Variants in SPOCK3 observed in about 807,000 individuals in gnomAD.
SPOCK3 encodes SPARC (osteonectin), cwcv and kazal like domains proteoglycan 3.
SPOCK3 carries 30 observed loss-of-function variants against 56.6 expected under a neutral mutation model. The observed-to-expected ratio is 0.53, with a 90% CI of 0.40 to 0.72. SPOCK3 has a LOEUF of 0.72. Ranked by LOEUF, SPOCK3 falls within the 30% of genes least tolerant of loss-of-function variation. The pLI, the probability that SPOCK3 is intolerant of heterozygous loss-of-function variation, is 0.00. For synonymous variants in SPOCK3, 196 were observed against 183.3 expected, an observed-to-expected ratio of 1.07 and a Z score of -0.56; for missense variants, 527 against 530.0, an observed-to-expected ratio of 0.99 and a Z score of 0.06.
intron 4 of SPOCK3, among the ~76,000 whole-genome samples, chr4:166,926,837 A>T (rs2149988156): frequency 6.6e-6 from 1 of 152,308 alleles, no homozygotes; most frequent in South Asian, 2.1e-4. Flanking sequence ...AAATACACTT[A>T]AAGGGACAAT....
chr4:166,844,092 A>C (rs573871674), intron 6 of SPOCK3, among the ~76,000 whole-genome samples: 1 of 152,346 alleles, frequency 6.6e-6, no homozygotes, highest in Admixed American at 6.5e-5. Flanking sequence ...GCCCAGACTG[A>C]AAGTGGTTCT....
At chr4:167,012,702 T>C (rs1280356303) in intron 3 of SPOCK3, among the ~76,000 whole-genome samples, 1 of 151,978 alleles carries the variant, frequency 6.6e-6, no homozygotes, top group Non-Finnish European at 1.5e-5. Context: ...AATGTTTCTT[T>C]AAGCTTATTT....
intron 2 of SPOCK3, among the ~76,000 whole-genome samples, chr4:167,066,031 C>T (rs1756094628): frequency 1.3e-5 from 2 of 151,890 alleles, no homozygotes; most frequent in South Asian, 4.1e-4. Flanking sequence ...AAACCACTGC[C>T]TACTTCTTGT....
intron 2 of SPOCK3, among the ~76,000 whole-genome samples, chr4:167,172,124 C>A (rs556348981): frequency 3.8e-4 from 58 of 152,296 alleles, no homozygotes; most frequent in Non-Finnish European, 7.8e-4. Context: ...AATCTCTCAG[C>A]AGTGGGCACT....
chr4:166,931,939 G>A lies in SPOCK3; in HGVS notation c.351-19196C>T, dbSNP rs145765194. On this transcript the variant is annotated intron_variant, in intron 4 of 10. Transcript: ENST00000357545. ...TTAGGTCTTTTATTCTCTTCCTTTCGTGACACTTCTCCTGTGTCCTACTTT... is the reference window on the plus strand; with the variant it reads ...TTAGGTCTTTTATTCTCTTCCTTTCATGACACTTCTCCTGTGTCCTACTTT... Among the ~76,000 whole-genome samples, 147 of 152,106 alleles carry A rather than the reference G, an allele frequency of 9.7e-4. 1 individual carries two copies. Among genetic ancestry groups the A allele is most frequent in the African/African-American group, 3.1e-3 (128 of 41,464 alleles).
At chr4:166,805,267 G>A (rs1292291816) in intron 6 of SPOCK3, among the ~76,000 whole-genome samples, 1 of 151,952 alleles carries the variant, frequency 6.6e-6, no homozygotes, top group Non-Finnish European at 1.5e-5. Context: ...AAAATACAAT[G>A]TTACTCTTTT....
In SPOCK3 at chr4:166,788,008, C is replaced by T. The variant is rs562367852; in HGVS notation, c.709+4162G>A. 2.6e-5 allele frequency among the ~76,000 whole-genome samples: 4 copies of T among 152,116 alleles called. No individual in the cohort carries two copies. The East Asian group carries it at 5.8e-4, about 22-fold the overall frequency. On this transcript the variant is annotated intron_variant, in intron 7 of 10. Transcript: ENST00000357545. ...ACTGGCCTGGCCAACATGGTGAAAC[C>T]CCGTCTTCACTAAAAATACAAAAGG... is the stretch of plus-strand genomic sequence containing the variant.
chr4:166,947,184 C>T (rs933141082), intron 4 of SPOCK3, among the ~76,000 whole-genome samples: 4 of 152,070 alleles, frequency 2.6e-5, no homozygotes, highest in Non-Finnish European at 4.4e-5. Flanking sequence ...TATTACTTTG[C>T]ATTATCTCTT....
chr4:166,816,110 T>C (rs1220373604), intron 6 of SPOCK3, among the ~76,000 whole-genome samples: 2 of 152,088 alleles, frequency 1.3e-5, no homozygotes. Flanking sequence ...AAATAATTTC[T>C]GGTTTAATTG....
At chr4:166,742,751 G>A (rs1479399553) in intron 8 of SPOCK3, among the ~76,000 whole-genome samples, 1 of 152,028 alleles carries the variant, frequency 6.6e-6, no homozygotes, top group African/African-American at 2.4e-5. Flanking sequence ...AAACCGATCT[G>A]GAAATAGTCT....
chr4:167,204,294 C>T (rs1465882824), intron 2 of SPOCK3, among the ~76,000 whole-genome samples: 2 of 152,028 alleles, frequency 1.3e-5, no homozygotes, highest in East Asian at 1.9e-4. Context: ...CTTGTATCCT[C>T]CTGTATTAGT....
chr4:166,929,499 A>G (rs1264541751), intron 4 of SPOCK3, among the ~76,000 whole-genome samples: 1 of 152,116 alleles, frequency 6.6e-6, no homozygotes, highest in Non-Finnish European at 1.5e-5. Context: ...TTCTCCCTAG[A>G]AGATTTCAGG....
chr4:166,745,679 AAGACAC>A (rs1464775108), intron 8 of SPOCK3, among the ~76,000 whole-genome samples: 16 of 152,226 alleles, frequency 1.1e-4, no homozygotes, highest in Non-Finnish European at 2.2e-4. Flanking sequence ...CCCCAGTTAA[AAGACAC>A]AGACTGGCAA....
chr4:166,776,797 A>G (rs886808543), intron 7 of SPOCK3, among the ~76,000 whole-genome samples: 23 of 152,190 alleles, frequency 1.5e-4, no homozygotes, highest in African/African-American at 4.8e-4. Context: ...AACCACCTAA[A>G]CATCTGCTGG....
At chr4:166,958,987 AT>A (rs1338913835) in intron 4 of SPOCK3, among the ~76,000 whole-genome samples, 2 of 152,192 alleles carry the variant, frequency 1.3e-5, no homozygotes, top group African/African-American at 4.8e-5. Flanking sequence ...TATGTCTTTG[AT>A]AACATTTTAT....
At chr4:167,208,262 A>G (rs755667506) in intron 2 of SPOCK3, among the ~76,000 whole-genome samples, 40 of 152,322 alleles carry the variant, frequency 2.6e-4, no homozygotes, top group Middle Eastern at 3.4e-3. Context: ...GATAAGTAAA[A>G]TTAAAATGGT....
chr4:166,966,419 T>C (rs1744742292), intron 4 of SPOCK3, among the ~76,000 whole-genome samples: 1 of 152,168 alleles, frequency 6.6e-6, no homozygotes, highest in African/African-American at 2.4e-5. Flanking sequence ...AGCTCAATCA[T>C]ACAAGTGCTT....
intron 2 of SPOCK3, among the ~76,000 whole-genome samples, chr4:167,096,616 A>G (rs1759177813): frequency 6.6e-6 from 1 of 151,824 alleles, no homozygotes; most frequent in Non-Finnish European, 1.5e-5. Context: ...TACTCTGAGA[A>G]CATATTTTCA....
At chr4:166,850,510 G>A (rs1338368840) in intron 6 of SPOCK3, among the ~76,000 whole-genome samples, 5 of 152,230 alleles carry the variant, frequency 3.3e-5, no homozygotes, top group Non-Finnish European at 1.5e-5. Context: ...CTCCCAGCGT[G>A]AGCAACGCAG....
Sources: gnomAD v4.1 joint callset for allele counts (sites outside exome capture counted in the v4.1 genomes callset) on GRCh38, gnomAD v4.1.1 for gene constraint, MANE v1.5 for transcripts, NCBI Gene and HGNC (gene_info 2026-07-23, HGNC 2026-07-21) for gene names.